Variants in SUPT3H observed in about 807,000 individuals in gnomAD.
SUPT3H encodes transcription initiation protein SPT3 homolog.
Under a neutral mutation model 44.3 loss-of-function variants are expected in SUPT3H, and 44 were observed. The observed-to-expected ratio is 0.99, with a 90% CI of 0.78 to 1.28. The LOEUF is 1.28. Among genes scored for constraint, SUPT3H ranks in the 50% most tolerant of loss-of-function variants. SUPT3H has a pLI of 0.00. For missense variants in SUPT3H, 380 were observed against 387.1 expected (o/e 0.98, Z 0.15); for synonymous variants, 124 against 125.6 (o/e 0.99, Z 0.09).
At chr6:45,206,826 C>A (rs1196952892) in intron 2 of SUPT3H, among the ~76,000 whole-genome samples, 2 of 152,034 alleles carry the variant, frequency 1.3e-5, no homozygotes, top group African/African-American at 4.8e-5. Flanking sequence ...GGGGAGATGG[C>A]AGCAGGAGCA....
intron 4 of SUPT3H, among the ~76,000 whole-genome samples, chr6:45,015,817 A>ACG (rs1784172616): frequency 6.6e-6 from 1 of 151,414 alleles, no homozygotes; most frequent in African/African-American, 2.4e-5. Context: ...ACACACACAC[A>ACG]CGCCTATGCC....
chr6:44,984,239 T>C (rs912333348), intron 6 of SUPT3H, among the ~76,000 whole-genome samples: 9 of 152,072 alleles, frequency 5.9e-5, no homozygotes, highest in Admixed American at 2.0e-4. Context: ...AGACTTAAGA[T>C]TGGTAATCCA....
At chr6:45,270,472 T>G (rs899529141) in intron 2 of SUPT3H, among the ~76,000 whole-genome samples, 9 of 152,164 alleles carry the variant, frequency 5.9e-5, no homozygotes, top group Admixed American at 3.9e-4. Flanking sequence ...GACGGTTTGA[T>G]AAGGGGAAAC....
chr6:45,025,088 T>C (rs1176734469), intron 3 of SUPT3H, among the ~76,000 whole-genome samples: 1 of 152,210 alleles, frequency 6.6e-6, no homozygotes. Context: ...TAAATCTCTC[T>C]CATACACACA....
intron 6 of SUPT3H, among the ~76,000 whole-genome samples, chr6:44,972,502 T>G (rs1777728231): frequency 6.6e-6 from 1 of 152,122 alleles, no homozygotes; most frequent in Non-Finnish European, 1.5e-5. Flanking sequence ...AGGAACACAG[T>G]GCAAGCTGTC....
At chr6:44,892,575 TC>T (rs1370012986) in intron 10 of SUPT3H, among the ~76,000 whole-genome samples, 1 of 152,174 alleles carries the variant, frequency 6.6e-6, no homozygotes, top group Non-Finnish European at 1.5e-5. Context: ...ATTTAGATAA[TC>T]TGCATGCAAT....
At chr6:45,062,939 C>G (rs538181586) in intron 3 of SUPT3H, among the ~76,000 whole-genome samples, 4 of 151,918 alleles carry the variant, frequency 2.6e-5, no homozygotes, top group African/African-American at 4.9e-5. Context: ...AAAGGAAACT[C>G]GAACTGGGTG....
chr6:45,319,920 T>G (rs1261426874), intron 2 of SUPT3H, among the ~76,000 whole-genome samples: 1 of 152,148 alleles, frequency 6.6e-6, no homozygotes, highest in African/African-American at 2.4e-5. Flanking sequence ...TCTTAACATC[T>G]TATTAGTAAT....
chr6:45,009,289 AGTC>A (rs1783139863), intron 5 of SUPT3H, among the ~76,000 whole-genome samples: 2 of 152,158 alleles, frequency 1.3e-5, no homozygotes, highest in African/African-American at 2.4e-5. Flanking sequence ...TTAATTTATT[AGTC>A]ATTGTTTTGA....
At chr6:45,005,084 C>T (rs1194309637) in intron 5 of SUPT3H, among the ~76,000 whole-genome samples, 2 of 152,150 alleles carry the variant, frequency 1.3e-5, no homozygotes, top group East Asian at 1.9e-4. Flanking sequence ...AAGGTACAAA[C>T]ATTTTAATGG....
chr6:45,212,364 A>G (rs1304176830), intron 2 of SUPT3H, among the ~76,000 whole-genome samples: 1 of 152,022 alleles, frequency 6.6e-6, no homozygotes, highest in Non-Finnish European at 1.5e-5. Flanking sequence ...ATGTATCTCA[A>G]TGAGTTTAAG....
At chr6:45,068,113 C>T (rs1211809507) in intron 3 of SUPT3H, among the ~76,000 whole-genome samples, 1 of 148,858 alleles carries the variant, frequency 6.7e-6, no homozygotes, top group Admixed American at 6.7e-5. Context: ...CACATATATA[C>T]CATGGAATAC....
chr6:45,268,075 A>G (rs981435635), intron 2 of SUPT3H, among the ~76,000 whole-genome samples: 1 of 152,212 alleles, frequency 6.6e-6, no homozygotes, highest in Non-Finnish European at 1.5e-5. Flanking sequence ...CATAGAATGA[A>G]AGGCCTTGAT....
intron 2 of SUPT3H, among the ~76,000 whole-genome samples, chr6:45,301,481 T>A (rs1782136030): frequency 6.6e-6 from 1 of 152,164 alleles, no homozygotes; most frequent in Admixed American, 6.5e-5. Context: ...GTCTTTTTGG[T>A]GCAGGCAGGG....
At chr6:45,114,832 C>T (rs546314159) in intron 2 of SUPT3H, among the ~76,000 whole-genome samples, 6 of 152,176 alleles carry the variant, frequency 3.9e-5, no homozygotes, top group African/African-American at 1.4e-4. Flanking sequence ...TAAAAGATTA[C>T]GTAGTCCTTT....
chr6:44,823,577 C>T (rs1767513999), downstream of SUPT3H, among the ~76,000 whole-genome samples: 1 of 152,170 alleles, frequency 6.6e-6, no homozygotes, highest in Admixed American at 6.5e-5. Context: ...AGAGGAGCTG[C>T]CACAGGTAGT....
At chr6:45,105,699 C>T (rs1472533004) in intron 3 of SUPT3H, among the ~76,000 whole-genome samples, 1 of 152,016 alleles carries the variant, frequency 6.6e-6, no homozygotes, top group Non-Finnish European at 1.5e-5. Flanking sequence ...TGCAAATTTT[C>T]GATATCATGA....
intron 2 of SUPT3H, among the ~76,000 whole-genome samples, chr6:45,351,876 G>C (rs911200271): frequency 6.6e-6 from 1 of 152,126 alleles, no homozygotes; most frequent in Admixed American, 6.6e-5. Context: ...AATACAGCCT[G>C]TTAGAGGCCT....
At chr6:45,319,544 A>G (rs1785166830) in intron 2 of SUPT3H, among the ~76,000 whole-genome samples, 1 of 152,182 alleles carries the variant, frequency 6.6e-6, no homozygotes. Context: ...AATTCAGATC[A>G]GAATACAAGC....
Sources: gnomAD v4.1 joint callset for allele counts (sites outside exome capture counted in the v4.1 genomes callset) on GRCh38, gnomAD v4.1.1 for gene constraint, MANE v1.5 for transcripts, NCBI Gene and HGNC (gene_info 2026-07-23, HGNC 2026-07-21) for gene names.